SMYD3: variants seen among roughly 807,000 people sequenced by gnomAD.
SMYD3 encodes the protein histone-lysine N-methyltransferase SMYD3.
A neutral mutation model predicts 57.7 loss-of-function variants in SMYD3; 36 were observed. That is an observed-to-expected ratio of 0.62 (90% CI 0.48 to 0.82). SMYD3 has a LOEUF of 0.82. SMYD3 is among the 40% of genes least tolerant of loss of function. SMYD3 has a pLI of 0.00. For missense variants in SMYD3, 515 were observed against 538.8 expected (o/e 0.96, Z 0.44); for synonymous variants, 211 against 195.0 (o/e 1.08, Z -0.68).
intron 1 of SMYD3, among the ~76,000 whole-genome samples, chr1:246,452,553 A>G (rs1158480477): frequency 6.6e-6 from 1 of 152,204 alleles, no homozygotes; most frequent in Non-Finnish European, 1.5e-5. Flanking sequence ...AAAAACTTTA[A>G]AAGTAATAGC....
intron 1 of SMYD3, chr1:246,426,096 C>T (rs1268903690): frequency 6.6e-6 from 1 of 152,082 alleles, no homozygotes; most frequent in East Asian, 1.9e-4. Flanking sequence ...ATTGAGATAA[C>T]TCAGTTGGAC....
intron 2 of SMYD3, among the ~76,000 whole-genome samples, chr1:246,336,189 T>C (rs561148754): frequency 6.6e-6 from 1 of 152,266 alleles, no homozygotes; most frequent in South Asian, 2.1e-4. Flanking sequence ...CAGTTGCCAA[T>C]GTACAGATGA....
intron 11 of SMYD3, among the ~76,000 whole-genome samples, chr1:245,751,971 G>C (rs2153401): frequency 0.2 from 30,706 of 152,150 alleles, 5,869 homozygotes; most frequent in African/African-American, 0.51. Context: ...ATGTTTGATG[G>C]CATTCATGGA....
rs553873000 is a variant in SMYD3, at chr1:245,935,285, T to C, written c.532-5348A>G. On this transcript the variant is annotated intron_variant, in intron 5 of 11. Coordinates refer to ENST00000490107, the MANE Select transcript of SMYD3 (RefSeq NM_001167740.2). ...TTCTCAAAAGAAGACATATAAATGGTCAAAAGATTCATGAGAAAATGCTCA... is the reference window on the plus strand; with the variant it reads ...TTCTCAAAAGAAGACATATAAATGGCCAAAAGATTCATGAGAAAATGCTCA... 2.0e-4 allele frequency among the ~76,000 whole-genome samples: 30 copies of C among 152,202 alleles called. No homozygotes were observed. The South Asian group carries it at 5.8e-3, about 30-fold the overall frequency.
chr1:246,476,368 C>T (rs1043537654), intron 1 of SMYD3, among the ~76,000 whole-genome samples: 1 of 152,150 alleles, frequency 6.6e-6, no homozygotes, highest in East Asian at 1.9e-4. Context: ...CTATGCCTCT[C>T]GGGCTTTAAT....
At chr1:246,369,395 A>T (rs2066157572) in intron 1 of SMYD3, among the ~76,000 whole-genome samples, 2 of 152,258 alleles carry the variant, frequency 1.3e-5, no homozygotes, top group African/African-American at 2.4e-5. Flanking sequence ...TTTTGGGAAA[A>T]TTTCAGAATT....
chr1:246,018,828 T>C (rs999419424), intron 5 of SMYD3, among the ~76,000 whole-genome samples: 4 of 151,284 alleles, frequency 2.6e-5, no homozygotes, highest in Non-Finnish European at 5.9e-5. Flanking sequence ...GGTCTCAAAC[T>C]CCTGTGCTCA....
intron 1 of SMYD3, among the ~76,000 whole-genome samples, chr1:246,501,849 C>T (rs368747407): frequency 2.0e-4 from 31 of 152,232 alleles, no homozygotes; most frequent in Non-Finnish European, 1.3e-4. Flanking sequence ...CTACATTTCA[C>T]GAGGCAATTT....
chr1:246,353,825 A>C (rs960444106), intron 2 of SMYD3, among the ~76,000 whole-genome samples: 1 of 152,208 alleles, frequency 6.6e-6, no homozygotes, highest in Admixed American at 6.5e-5. Context: ...CACACAGTGG[A>C]TGCCTAATAA....
intron 1 of SMYD3, among the ~76,000 whole-genome samples, chr1:246,403,219 G>A (rs2066801239): frequency 6.6e-6 from 1 of 152,110 alleles, no homozygotes; most frequent in Non-Finnish European, 1.5e-5. Context: ...AGTTGGCCAG[G>A]TGCAGTGGTT....
chr1:246,040,381 C>T (rs545975898), intron 5 of SMYD3, among the ~76,000 whole-genome samples: 26 of 151,994 alleles, frequency 1.7e-4, no homozygotes, highest in East Asian at 5.8e-4. Context: ...CAAGTGCTGC[C>T]GCTTATCTTT....
intron 5 of SMYD3, among the ~76,000 whole-genome samples, chr1:246,080,317 G>T (rs12064116): frequency 0.098 from 14,748 of 150,090 alleles, 1,983 homozygotes; most frequent in African/African-American, 0.31. Context: ...GACCACTGGA[G>T]CTCAGAAAAG....
intron 5 of SMYD3, among the ~76,000 whole-genome samples, chr1:246,032,018 C>T (rs1012006972): frequency 4.6e-5 from 7 of 152,110 alleles, no homozygotes; most frequent in African/African-American, 9.7e-5. Context: ...CTCGAAGCAA[C>T]GTGCAATTTT....
intron 1 of SMYD3, among the ~76,000 whole-genome samples, chr1:246,434,637 C>G (rs1363285888): frequency 6.6e-6 from 1 of 152,076 alleles, no homozygotes; most frequent in Non-Finnish European, 1.5e-5. Flanking sequence ...ATTAAAAAGT[C>G]AAAACAGAAC....
At chr1:246,288,262 C>T (rs145830480) in intron 5 of SMYD3, among the ~76,000 whole-genome samples, 19,456 of 151,546 alleles carry the variant, frequency 0.13, 1,730 homozygotes, top group East Asian at 0.31. Flanking sequence ...TCAGTAGAGA[C>T]GGGGTTTCAC....
chr1:246,407,330 T>C (rs1400590455), intron 1 of SMYD3, among the ~76,000 whole-genome samples: 3 of 152,226 alleles, frequency 2.0e-5, no homozygotes, highest in Admixed American at 2.0e-4. Context: ...CTTCAAAACC[T>C]TAGCAGGAGT....
At chr1:245,953,165 G>A in intron 5 of SMYD3, 1 of 891,812 alleles carries the variant, frequency 1.1e-6, no homozygotes, top group African/African-American at 1.8e-5. Flanking sequence ...ATTGAAGCTA[G>A]TTAGATCTCT....
chr1:246,268,795 GCCGTT>G (rs2064160358), intron 5 of SMYD3, among the ~76,000 whole-genome samples: 1 of 152,140 alleles, frequency 6.6e-6, no homozygotes, highest in African/African-American at 2.4e-5. Flanking sequence ...CTATGGAGTA[GCCGTT>G]CTTTTATTCC....
At chr1:246,002,196 A>AT (rs1255474576) in intron 5 of SMYD3, among the ~76,000 whole-genome samples, 2 of 151,570 alleles carry the variant, frequency 1.3e-5, no homozygotes, top group Non-Finnish European at 2.9e-5. Context: ...TTATTTTATT[A>AT]TTTTTTTAAA....
Sources: gnomAD v4.1 joint callset for allele counts (sites outside exome capture counted in the v4.1 genomes callset) on GRCh38, gnomAD v4.1.1 for gene constraint, MANE v1.5 for transcripts, NCBI Gene and HGNC (gene_info 2026-07-23, HGNC 2026-07-21) for gene names.